ACOT12: variants seen among roughly 807,000 people sequenced by gnomAD.
The protein encoded by ACOT12 is acyl-CoA thioesterase 12.
Under a neutral mutation model 67.7 loss-of-function variants are expected in ACOT12, and 51 were observed. That is an observed-to-expected ratio of 0.75 (90% CI 0.60 to 0.95). The LOEUF is 0.95. Ranked by LOEUF, ACOT12 falls within the 40% of genes least tolerant of loss-of-function variation. The pLI is 0.00. For synonymous variants in ACOT12, 251 were observed against 244.6 expected (o/e 1.03, Z -0.24); for missense variants, 734 against 708.1 (o/e 1.04, Z -0.41).
intron 2 of ACOT12, among the ~76,000 whole-genome samples, chr5:81,375,971 G>T (rs192878016): frequency 2.0e-4 from 31 of 152,290 alleles, no homozygotes; most frequent in African/African-American, 7.2e-4. Context: ...CTTGAACTCA[G>T]CTCTGGACCA....
At chr5:81,353,389 A>G (rs778071370) in intron 5 of ACOT12, among the ~76,000 whole-genome samples, 1 of 152,170 alleles carries the variant, frequency 6.6e-6, no homozygotes, top group Non-Finnish European at 1.5e-5. Flanking sequence ...GCTGGCTTTG[A>G]GTGATCAAGT....
chr5:81,319,891 G>A, the ACOT12 span, among the ~76,000 whole-genome samples: 2 of 150,254 alleles, frequency 1.3e-5, no homozygotes, highest in African/African-American at 2.4e-5. Context: ...GACATGCTGT[G>A]ACAAACCTTT....
chr5:81,330,521 G>A lies in ACOT12; in HGVS notation c.1541C>T (p.Ser514Phe). The part of the protein sequence containing the change: ...SCIVSYFNHM[S>F]ASILPYFAGN... ...AGCAAAGTAAGGAAGGATGCTAGCA[G>A]ACATATGGTTAAAGTAAGATACCTG... Residue 514 changes from serine (S) to phenylalanine (F), a missense_variant, in exon 15 of 15, where the codon TCT becomes TTT. Ser to Phe is a radical substitution (Grantham distance 155). Transcript: ENST00000307624. 1 of 1,614,024 alleles carries A rather than the reference G, an allele frequency of 6.2e-7. No individual in the cohort carries two copies. Among genetic ancestry groups the A allele is most frequent in the Non-Finnish European group, 8.5e-7 (1 of 1,179,960 alleles).
chr5:81,352,948 A>C (rs765634868), intron 5 of ACOT12, among the ~76,000 whole-genome samples: 4 of 152,164 alleles, frequency 2.6e-5, no homozygotes, highest in Non-Finnish European at 4.4e-5. Context: ...TTACTTTTTA[A>C]CTATATGCCT....
the ACOT12 span, among the ~76,000 whole-genome samples, chr5:81,322,468 CAAA>C: frequency 1.4e-5 from 2 of 146,600 alleles, no homozygotes; most frequent in African/African-American, 5.0e-5. Context: ...AAAAAATAAA[CAAA>C]AAAAAAACCC....
chr5:81,344,282 C>G, intron 8 of ACOT12, 67 bp from the exon 9 acceptor site: 1 of 1,461,676 alleles, frequency 6.8e-7, no homozygotes, highest in Non-Finnish European at 9.3e-7. Flanking sequence ...GTGCTATAAT[C>G]CTTAAGTATC....
chr5:81,346,694 C>T (rs1759391729), intron 6 of ACOT12, among the ~76,000 whole-genome samples: 1 of 152,282 alleles, frequency 6.6e-6, no homozygotes, highest in Non-Finnish European at 1.5e-5. Flanking sequence ...TGTTCAATTG[C>T]TTTACTGTCA....
At chr5:81,319,508 G>A in the ACOT12 span, among the ~76,000 whole-genome samples, 879 of 152,210 alleles carry the variant, frequency 5.8e-3, 14 homozygotes, top group African/African-American at 0.019. Context: ...ATCTGAGGTC[G>A]GGAATTTGAG....
intron 6 of ACOT12, among the ~76,000 whole-genome samples, chr5:81,346,512 T>C (rs1399698611): frequency 6.6e-6 from 1 of 152,244 alleles, no homozygotes; most frequent in Admixed American, 6.5e-5. Context: ...GGCTAGGAGA[T>C]ACACATTTTA....
chr5:81,359,025 C>T (rs1380276623), intron 5 of ACOT12, among the ~76,000 whole-genome samples: 1 of 152,174 alleles, frequency 6.6e-6, no homozygotes, highest in Admixed American at 6.5e-5. Context: ...GCTGCTACCT[C>T]TCCCTTTCCT....
chr5:81,380,518 C>A (rs749923123), intron 2 of ACOT12, among the ~76,000 whole-genome samples: 1 of 125,262 alleles, frequency 8.0e-6, no homozygotes, highest in Admixed American at 7.9e-5. Flanking sequence ...GAGCCGAGAT[C>A]GTGCCATTGC....
intron 1 of ACOT12, 22 bp downstream of exon 1, chr5:81,393,966 C>G: frequency 1.5e-6 from 2 of 1,323,002 alleles, no homozygotes; most frequent in Non-Finnish European, 9.6e-7. Context: ...CGCGCCTCCC[C>G]GCAGCCCCGG....
At chr5:81,363,514 G>A (rs1759981445) in intron 4 of ACOT12, among the ~76,000 whole-genome samples, 2 of 152,126 alleles carry the variant, frequency 1.3e-5, no homozygotes, top group Middle Eastern at 3.4e-3. Flanking sequence ...AAACCAATAT[G>A]ACCTTCAGAT....
chr5:81,357,175 G>C (rs140276666), intron 5 of ACOT12, among the ~76,000 whole-genome samples: 3 of 152,064 alleles, frequency 2.0e-5, no homozygotes, highest in Admixed American at 6.6e-5. Context: ...CTCCTGCAGC[G>C]AGTCTCTCGT....
At chr5:81,344,760 A>G in intron 8 of ACOT12, 131 bp downstream of exon 8, 1 of 1,175,526 alleles carries the variant, frequency 8.5e-7, no homozygotes, top group Non-Finnish European at 1.2e-6. Flanking sequence ...AGCCCACTTC[A>G]CTTTGTGATG....
intron 12 of ACOT12, among the ~76,000 whole-genome samples, chr5:81,334,451 T>C (rs1758932611): frequency 6.6e-6 from 1 of 152,128 alleles, no homozygotes; most frequent in Non-Finnish European, 1.5e-5. Flanking sequence ...ATGATCCCTC[T>C]AGGGGTTTGA....
chr5:81,374,031 T>C (rs764160429), intron 2 of ACOT12, among the ~76,000 whole-genome samples: 4 of 152,184 alleles, frequency 2.6e-5, no homozygotes, highest in Non-Finnish European at 4.4e-5. Flanking sequence ...GACCCCCGTG[T>C]ATCCTGACTG....
chr5:81,372,329 C>A lies in ACOT12; in HGVS notation c.198-519G>T, dbSNP rs187974993. On this transcript the variant is annotated intron_variant, in intron 2 of 14. Coordinates refer to ENST00000307624, the MANE Select transcript of ACOT12 (RefSeq NM_130767.3). Reference sequence around the variant, plus strand: ...TTCGATCATGTAACCTGAAGTTGTTCCAAAACTTTTGTATTCAGGCCCTTC... The same window carrying A: ...TTCGATCATGTAACCTGAAGTTGTTACAAAACTTTTGTATTCAGGCCCTTC... Among the ~76,000 whole-genome samples the A allele has an allele frequency of 3.2e-3, 485 of 152,246 alleles. 1 individual carries two copies. Among genetic ancestry groups the A allele is most frequent in the Admixed American group, 6.9e-3 (106 of 15,286 alleles).
rs1270529183 is a variant in ACOT12 at position 81,394,088 on chromosome 5, C to T, written c.27G>A (p.Val9=). ...CCGGCTGGATGGCTTGGCTCATGAC[C>T]ACCTCGCCGGGCGCCGGCCGCTCCA... is the stretch of plus-strand genomic sequence containing the variant. MERPAPGE[V]VMSQAIQPAH... The change falls in exon 1 of 15, where the codon GTG becomes GTA. Residue 9 remains valine, a synonymous_variant. Transcript: ENST00000307624. 2 of 1,462,536 alleles carry T rather than the reference C, an allele frequency of 1.4e-6. No homozygotes were observed. Among genetic ancestry groups the T allele is most frequent in the Admixed American group, 2.4e-5 (1 of 41,294 alleles). 90.6% of individuals were successfully genotyped at this position (1,462,536 alleles called of 1,614,324 possible). A position where few individuals can be genotyped will look rare whatever the true frequency, so the allele number is the denominator to read the frequency against.
Sources: allele counts gnomAD v4.1 joint callset (sites outside exome capture counted in the v4.1 genomes callset), GRCh38; gene constraint gnomAD v4.1.1; transcripts MANE v1.5; gene names NCBI Gene and HGNC (gene_info 2026-07-23, HGNC 2026-07-21).